Variants in NT5C2 observed in about 807,000 individuals in gnomAD.
NT5C2 encodes 5'-nucleotidase, cytosolic II, also known as cytosolic purine 5'-nucleotidase.
Under a neutral mutation model 76.1 loss-of-function variants are expected in NT5C2, and 58 were observed. The ratio of observed to expected loss-of-function variants is 0.76; its 90% CI spans 0.62 to 0.95. NT5C2 has a LOEUF of 0.95. Ranked by LOEUF, NT5C2 falls within the 40% of genes least tolerant of loss-of-function variation. The probability of loss-of-function intolerance (pLI) is 0.00; values close to 1 mark genes in which losing one functional copy is unlikely to be tolerated. For missense variants in NT5C2, 478 were observed against 690.3 expected (o/e 0.69, Z 3.45); for synonymous variants, 229 against 237.4 (o/e 0.96, Z 0.32).
At chr10:103,116,882 A>G (rs2135553170) in intron 4 of NT5C2, among the ~76,000 whole-genome samples, 1 of 152,228 alleles carries the variant, frequency 6.6e-6, no homozygotes, top group South Asian at 2.1e-4. Flanking sequence ...GCCCAGAAAT[A>G]TTGTAACTAT....
At chr10:103,149,910 A>G (rs2082113451) in intron 3 of NT5C2, among the ~76,000 whole-genome samples, 1 of 151,830 alleles carries the variant, frequency 6.6e-6, no homozygotes, top group Non-Finnish European at 1.5e-5. Context: ...TAATTCAATC[A>G]TGACACTGCA....
At chr10:103,112,153 G>A (rs985519251) in intron 4 of NT5C2, among the ~76,000 whole-genome samples, 4 of 152,116 alleles carry the variant, frequency 2.6e-5, no homozygotes, top group Admixed American at 1.3e-4. Context: ...CACATTTCAG[G>A]CTAACACGAT....
At position 103,098,943 on chromosome 10, in the gene NT5C2, A is replaced by G; in HGVS notation, c.675T>C (p.Tyr225=). Residue 225 remains tyrosine, a synonymous_variant, in exon 10 of 19, where the codon TAT becomes TAC. Coordinates refer to ENST00000404739, the MANE Select transcript of NT5C2 (RefSeq NM_001351169.2). Reference sequence around the variant, plus strand: ...CTATATTACTTACATCTTTGACTACATACTTCTCAAGATTTTCAACTGTCT... The same window carrying G: ...CTATATTACTTACATCTTTGACTACGTACTTCTCAAGATTTTCAACTGTCT... ...KEKTVENLEK[Y]VVKDGKLPLL... The G allele has an allele frequency of 1.2e-6, 2 of 1,606,716 alleles. No homozygotes were observed. Among genetic ancestry groups the G allele is most frequent in the Non-Finnish European group, 1.7e-6 (2 of 1,174,226 alleles).
chr10:103,092,371 T>C (rs2067152340), intron 15 of NT5C2, among the ~76,000 whole-genome samples: 1 of 152,262 alleles, frequency 6.6e-6, no homozygotes, highest in African/African-American at 2.4e-5. Context: ...TCTATCTTTA[T>C]ACACATATTA....
At chr10:103,146,385 G>T (rs927369649) in intron 3 of NT5C2, 20 of 985,192 alleles carry the variant, frequency 2.0e-5, no homozygotes, top group Non-Finnish European at 2.4e-5. Flanking sequence ...AACAACAAAT[G>T]AGACTAAGGA....
At chr10:103,153,744 T>G (rs1365895333) in intron 3 of NT5C2, 3 of 984,924 alleles carry the variant, frequency 3.0e-6, no homozygotes, top group Non-Finnish European at 3.6e-6. Context: ...ATTTTTAGTT[T>G]ACTCTGGGAG....
At chr10:103,141,294 C>CA (rs2080377158) in intron 3 of NT5C2, among the ~76,000 whole-genome samples, 1 of 151,978 alleles carries the variant, frequency 6.6e-6, no homozygotes, top group South Asian at 2.1e-4. Context: ...CCCAACTCTA[C>CA]AAAAAATACA....
At chr10:103,148,196 T>C (rs1235693781) in intron 3 of NT5C2, among the ~76,000 whole-genome samples, 1 of 152,224 alleles carries the variant, frequency 6.6e-6, no homozygotes, top group Admixed American at 6.5e-5. Context: ...AGACATCTAG[T>C]AGCATTAGTT....
At chr10:103,168,103 C>A (rs190300909) in intron 3 of NT5C2, among the ~76,000 whole-genome samples, 12 of 139,176 alleles carry the variant, frequency 8.6e-5, no homozygotes, top group Admixed American at 6.5e-4. Flanking sequence ...TAAACTGCAA[C>A]TAAAAAAAAA....
intron 10 of NT5C2, chr10:103,098,730 T>G: frequency 1.9e-6 from 1 of 515,156 alleles, no homozygotes; most frequent in Non-Finnish European, 3.4e-6. Flanking sequence ...AAATACTGAG[T>G]CTTCTTGCCT....
chr10:103,096,664 TAA>T (rs1342209496), intron 11 of NT5C2, among the ~76,000 whole-genome samples: 2 of 151,698 alleles, frequency 1.3e-5, no homozygotes, highest in African/African-American at 4.8e-5. Context: ...TCCAAGATGT[TAA>T]AACCTCGTCT....
intron 1 of NT5C2, among the ~76,000 whole-genome samples, chr10:103,191,594 A>C (rs2092649045): frequency 6.6e-6 from 1 of 152,216 alleles, no homozygotes; most frequent in Non-Finnish European, 1.5e-5. Flanking sequence ...AATACTATCT[A>C]TATAAATCTT....
At chr10:103,094,237 T>C (rs1255211669) in intron 13 of NT5C2, 111 bp downstream of exon 13, 1 of 765,794 alleles carries the variant, frequency 1.3e-6, no homozygotes, top group East Asian at 2.6e-5. Flanking sequence ...AAAAGAGAGA[T>C]ACGGCTAATT....
chr10:103,123,178 A>AGAG (rs2076021565), intron 4 of NT5C2, among the ~76,000 whole-genome samples: 1 of 152,250 alleles, frequency 6.6e-6, no homozygotes, highest in African/African-American at 2.4e-5. Flanking sequence ...AGCCCAGGAT[A>AGAG]GAGGCACAAT....
At chr10:103,119,782 C>T (rs1211069648) in intron 4 of NT5C2, among the ~76,000 whole-genome samples, 1 of 146,790 alleles carries the variant, frequency 6.8e-6, no homozygotes, top group African/African-American at 2.5e-5. Context: ...CAGACTTTTA[C>T]ATTGTCATTG....
chr10:103,169,864 C>T (rs376353868), intron 3 of NT5C2, among the ~76,000 whole-genome samples: 15 of 152,176 alleles, frequency 9.9e-5, no homozygotes, highest in African/African-American at 3.4e-4. Context: ...TGGTGGCTCA[C>T]GCCTGTAATC....
Position 103,100,011 on chromosome 10 carries a change from G to A in NT5C2, c.548C>T (p.Thr183Ile). 2 of 1,601,396 alleles carry A rather than the reference G, an allele frequency of 1.2e-6. No homozygotes were observed. The highest frequency in any genetic ancestry group is 2.2e-5 in the South Asian group (2 of 90,766). ...TNCPRYTSCE[T>I]GFKDGDLFMS... The stretch of plus-strand genomic sequence containing the variant: ...GAAGAGGTCCCCATCTTTAAATCCT[G>A]TTTCACAACTACAGAAAGATAAAAA... The change falls in exon 9 of 19, where the codon ACA becomes ATA. Residue 183 changes from threonine (T) to isoleucine (I), a missense_variant. Thr to Ile is a moderately conservative substitution (Grantham distance 89). Coordinates refer to ENST00000404739, the MANE Select transcript of NT5C2 (RefSeq NM_001351169.2).
intron 3 of NT5C2, among the ~76,000 whole-genome samples, chr10:103,165,092 T>C (rs2086036853): frequency 1.3e-5 from 2 of 152,224 alleles, no homozygotes; most frequent in Admixed American, 1.3e-4. Context: ...TGAAAATTTT[T>C]ATTTTGTTTT....
intron 3 of NT5C2, among the ~76,000 whole-genome samples, chr10:103,160,668 G>A (rs2084620841): frequency 6.6e-6 from 1 of 152,136 alleles, no homozygotes; most frequent in South Asian, 2.1e-4. Context: ...GGTCATAAGG[G>A]CAAGTAAAGA....
Sources: allele counts gnomAD v4.1 joint callset (sites outside exome capture counted in the v4.1 genomes callset), GRCh38; gene constraint gnomAD v4.1.1; transcripts MANE v1.5; gene names NCBI Gene and HGNC (gene_info 2026-07-23, HGNC 2026-07-21).